The following ANO3 variants were observed in gnomAD, a reference collection of about 807,000 sequenced individuals.
The protein encoded by ANO3 is anoctamin 3.
Under a neutral mutation model 144.8 loss-of-function variants are expected in ANO3, and 99 were observed. The observed-to-expected ratio is 0.68, with a 90% CI of 0.58 to 0.81. The LOEUF is 0.81. ANO3 is among the 30% of genes least tolerant of loss of function. The pLI, the probability that ANO3 is intolerant of heterozygous loss-of-function variation, is 0.00. For missense variants in ANO3, 905 were observed against 1,202.2 expected (o/e 0.75, Z 3.66); for synonymous variants, 414 against 392.6 (o/e 1.05, Z -0.64).
intron 1 of ANO3, among the ~76,000 whole-genome samples, chr11:26,389,988 G>A (rs559876776): frequency 2.8e-4 from 43 of 152,122 alleles, no homozygotes; most frequent in Admixed American, 3.3e-4. Flanking sequence ...ATTGTTAGGT[G>A]ACAGTTGATA....
chr11:26,636,209 G>A (rs1472609120), intron 20 of ANO3, among the ~76,000 whole-genome samples: 1 of 151,808 alleles, frequency 6.6e-6, no homozygotes, highest in Admixed American at 6.6e-5. Flanking sequence ...CTAAACAACA[G>A]AAAAAATAAA....
At chr11:26,369,474 A>C (rs1169411703) in intron 1 of ANO3, among the ~76,000 whole-genome samples, 2 of 151,840 alleles carry the variant, frequency 1.3e-5, no homozygotes, top group East Asian at 3.9e-4. Context: ...AATATGAGAG[A>C]TCTGAGGCTA....
At chr11:26,449,774 A>G (rs567810470) in intron 3 of ANO3, among the ~76,000 whole-genome samples, 19 of 149,850 alleles carry the variant, frequency 1.3e-4, no homozygotes, top group Non-Finnish European at 4.4e-5. Context: ...TTCTTTTGAG[A>G]TGGTATTTTG....
intron 17 of ANO3, among the ~76,000 whole-genome samples, chr11:26,608,979 G>A (rs1852013043): frequency 6.6e-6 from 1 of 152,142 alleles, no homozygotes; most frequent in African/African-American, 2.4e-5. Flanking sequence ...CCTCCCCCAG[G>A]GAACTCAACG....
intron 4 of ANO3, among the ~76,000 whole-genome samples, chr11:26,488,828 T>C (rs1434001827): frequency 6.6e-6 from 1 of 152,066 alleles, no homozygotes; most frequent in Non-Finnish European, 1.5e-5. Flanking sequence ...CCCGAGCAGG[T>C]TGCTTGGCAC....
chr11:26,524,341 A>T (rs1366143263), intron 6 of ANO3, among the ~76,000 whole-genome samples: 1 of 152,234 alleles, frequency 6.6e-6, no homozygotes, highest in Non-Finnish European at 1.5e-5. Flanking sequence ...TGGCAGGGAC[A>T]ACTTTAAAAT....
chr11:26,201,709 G>A (rs1851695921), intron 1 of ANO3, among the ~76,000 whole-genome samples: 1 of 151,444 alleles, frequency 6.6e-6, no homozygotes, highest in Non-Finnish European at 1.5e-5. Context: ...TCATGATAGT[G>A]GAGTAGTAAT....
chr11:26,332,365 CCCCCTGCATG>C (rs770998040), intron 1 of ANO3, 44 bp downstream of exon 1: 1 of 1,595,764 alleles, frequency 6.3e-7, no homozygotes, highest in Non-Finnish European at 8.6e-7. Flanking sequence ...GCGTCACTTC[CCCCCTGCATG>C]CCCTTGCAGT....
intron 4 of ANO3, among the ~76,000 whole-genome samples, chr11:26,470,386 TGAGA>T (rs571143618): frequency 1.5e-5 from 2 of 134,786 alleles, no homozygotes; most frequent in African/African-American, 5.6e-5. Context: ...CATTCCAACC[TGAGA>T]GAGAGAGAGA....
chr11:26,392,684 C>T (rs920960627), intron 1 of ANO3, among the ~76,000 whole-genome samples: 16 of 151,944 alleles, frequency 1.1e-4, no homozygotes, highest in African/African-American at 3.9e-4. Flanking sequence ...ATAAAATGAC[C>T]TTTATCTTGA....
chr11:26,278,167 T>C (rs1054390882), intron 1 of ANO3, among the ~76,000 whole-genome samples: 3 of 152,128 alleles, frequency 2.0e-5, no homozygotes, highest in South Asian at 2.1e-4. Context: ...CTGTCATTAC[T>C]GACACACCGT....
chr11:26,450,113 T>C (rs1381337704), intron 3 of ANO3, among the ~76,000 whole-genome samples: 1 of 152,190 alleles, frequency 6.6e-6, no homozygotes, highest in Non-Finnish European at 1.5e-5. Flanking sequence ...CATAGTTGTT[T>C]AGATGCTACT....
chr11:26,648,126 T>C (rs1415940684), intron 24 of ANO3, among the ~76,000 whole-genome samples: 1 of 152,122 alleles, frequency 6.6e-6, no homozygotes, highest in Non-Finnish European at 1.5e-5. Flanking sequence ...ATTCTGTAAA[T>C]AGAAGTTATC....
intron 1 of ANO3, chr11:26,427,210 CA>C (rs1857944341): frequency 1.5e-5 from 3 of 194,026 alleles, no homozygotes; most frequent in Admixed American, 1.5e-4. Context: ...CATCTCCAAA[CA>C]ACAAGTTCAA....
chr11:26,634,608 G>GA (rs1289543987), intron 19 of ANO3, among the ~76,000 whole-genome samples: 1 of 152,040 alleles, frequency 6.6e-6, no homozygotes, highest in Non-Finnish European at 1.5e-5. Context: ...TGCAAAATAT[G>GA]AAAAAAGCAG....
At chr11:26,361,202 T>C (rs1337596459) in intron 1 of ANO3, among the ~76,000 whole-genome samples, 1 of 152,168 alleles carries the variant, frequency 6.6e-6, no homozygotes, top group Non-Finnish European at 1.5e-5. Context: ...TAAGTATTTG[T>C]TAAGAATTCC....
At chr11:26,193,992 T>C (rs1851528122) in intron 1 of ANO3, among the ~76,000 whole-genome samples, 1 of 152,204 alleles carries the variant, frequency 6.6e-6, no homozygotes, top group African/African-American at 2.4e-5. Flanking sequence ...TGACTCCTCA[T>C]ATATATTAAG....
chr11:26,292,816 C>T (rs1379321572), intron 1 of ANO3, among the ~76,000 whole-genome samples: 1 of 152,122 alleles, frequency 6.6e-6, no homozygotes. Context: ...CAGAGGGGCA[C>T]CTGGCTGTAT....
chr11:26,225,454 A>T (rs1406102132), intron 1 of ANO3, among the ~76,000 whole-genome samples: 1 of 151,966 alleles, frequency 6.6e-6, no homozygotes, highest in Non-Finnish European at 1.5e-5. Context: ...GCTGCCTGAC[A>T]CCCTCTTTCA....
Sources: allele counts gnomAD v4.1 joint callset (sites outside exome capture counted in the v4.1 genomes callset), GRCh38; gene constraint gnomAD v4.1.1; transcripts MANE v1.5; gene names NCBI Gene and HGNC (gene_info 2026-07-23, HGNC 2026-07-21).